Variants in GRIK2 observed in about 807,000 individuals in gnomAD.
The protein encoded by GRIK2 is glutamate ionotropic receptor kainate type subunit 2.
Under a neutral mutation model 100.3 loss-of-function variants are expected in GRIK2, and 32 were observed. The observed-to-expected ratio is 0.32, with a 90% confidence interval of 0.24 to 0.43. GRIK2 has a LOEUF of 0.43. Among genes scored for constraint, GRIK2 ranks in the 20% least tolerant of loss-of-function variants. The pLI, the probability that GRIK2 is intolerant of heterozygous loss-of-function variation, is 1.00. For synonymous variants in GRIK2, 417 were observed against 389.4 expected (o/e 1.07, Z -0.83); for missense variants, 843 against 1,114.9 (o/e 0.76, Z 3.47).
intron 2 of GRIK2, among the ~76,000 whole-genome samples, chr6:101,575,511 T>A (rs1777750529): frequency 6.6e-6 from 1 of 152,058 alleles, no homozygotes; most frequent in African/African-American, 2.4e-5. Flanking sequence ...TTAGTAAATA[T>A]AACTGTTTTG....
intron 2 of GRIK2, among the ~76,000 whole-genome samples, chr6:101,498,045 G>A (rs1244322644): frequency 8.5e-6 from 1 of 117,356 alleles, no homozygotes; most frequent in East Asian, 2.5e-4. Context: ...AGTCCCCAGA[G>A]TGTGATGTTC....
At chr6:101,519,437 C>A (rs1026951069) in intron 2 of GRIK2, among the ~76,000 whole-genome samples, 2 of 151,356 alleles carry the variant, frequency 1.3e-5, no homozygotes, top group Non-Finnish European at 1.5e-5. Flanking sequence ...GATATGAATA[C>A]TACTATTTTT....
chr6:101,969,661 C>G (rs1792915280), intron 14 of GRIK2, among the ~76,000 whole-genome samples: 1 of 151,994 alleles, frequency 6.6e-6, no homozygotes, highest in Non-Finnish European at 1.5e-5. Flanking sequence ...ATAGGATATA[C>G]TTTTAGTCTT....
At position 101,900,999 on chromosome 6, in the gene GRIK2, CTGT is replaced by C. The variant is rs1285391599; in HGVS notation, c.1748+11138_1748+11140del. ...TATCTGAGGACAGTCTGCCTGAAGT[CTGT>C]TAATTCTGGATTTACTGCTATTAAA... On this transcript the variant is annotated intron_variant, in intron 12 of 16. Coordinates refer to ENST00000369134, the MANE Select transcript of GRIK2 (RefSeq NM_021956.5). 1.1e-4 allele frequency among the ~76,000 whole-genome samples: 17 copies of C among 151,728 alleles called. No homozygotes were observed. The East Asian group carries it at 3.1e-3, about 28-fold the overall frequency.
At chr6:102,012,433 G>GA (rs545881761) in intron 14 of GRIK2, among the ~76,000 whole-genome samples, 1 of 151,884 alleles carries the variant, frequency 6.6e-6, no homozygotes, top group Non-Finnish European at 1.5e-5. Flanking sequence ...AGATAAAGTT[G>GA]AAAAAAACTG....
At chr6:101,924,996 C>T (rs1010083197) in intron 13 of GRIK2, among the ~76,000 whole-genome samples, 2 of 152,136 alleles carry the variant, frequency 1.3e-5, no homozygotes, top group African/African-American at 4.8e-5. Flanking sequence ...ACCAAGCTAA[C>T]CTGATCATTA....
At chr6:101,731,590 A>G (rs1775273301) in intron 7 of GRIK2, among the ~76,000 whole-genome samples, 1 of 151,980 alleles carries the variant, frequency 6.6e-6, no homozygotes, top group South Asian at 2.1e-4. Context: ...GTTTAAATAA[A>G]AAGCTATAAA....
intron 4 of GRIK2, among the ~76,000 whole-genome samples, chr6:101,645,938 G>A (rs1271282369): frequency 6.6e-6 from 1 of 151,818 alleles, no homozygotes; most frequent in East Asian, 1.9e-4. Flanking sequence ...ATGCATATAT[G>A]ATATTTATAC....
Position 101,928,398 on chromosome 6 carries a change from C to A in GRIK2, c.1868-17C>A, listed in dbSNP as rs564285314. Reference sequence around the variant, plus strand: ...AATTCTCTATATTCGTTTCACCTTTCCCCCACTCTCTGTTAGGTTCTGAGC... The same window carrying A: ...AATTCTCTATATTCGTTTCACCTTTACCCCACTCTCTGTTAGGTTCTGAGC... On this transcript the variant is annotated splice_polypyrimidine_tract_variant and intron_variant, in intron 13 of 16. Transcript: ENST00000369134. The A allele has an allele frequency of 3.1e-6, 4 of 1,295,186 alleles. No homozygotes were observed. The highest frequency in any genetic ancestry group is 1.7e-5 in the Admixed American group (1 of 59,622). The allele number at this position is 1,295,186 out of a possible 1,614,324, so 80.2% of individuals were successfully genotyped here. A position where few individuals can be genotyped will look rare whatever the true frequency, so the allele number is the denominator to read the frequency against.
chr6:101,853,119 C>A (rs116576085), intron 10 of GRIK2, among the ~76,000 whole-genome samples: 4 of 152,052 alleles, frequency 2.6e-5, no homozygotes, highest in Non-Finnish European at 4.4e-5. Context: ...TTCTCCCAGA[C>A]GATATTACGA....
intron 2 of GRIK2, among the ~76,000 whole-genome samples, chr6:101,590,673 C>G (rs570213027): frequency 6.6e-6 from 1 of 152,004 alleles, no homozygotes; most frequent in Non-Finnish European, 1.5e-5. Flanking sequence ...TCATACTCTT[C>G]CTAACGAGAT....
rs1351550808 is a variant in GRIK2 at position 102,055,356 on chromosome 6, A to G, written c.2338A>G (p.Ile780Val). Residue 780 changes from isoleucine to valine, a missense_variant, in exon 16 of 17, where the codon ATA (isoleucine) becomes GTA (valine). Ile to Val is a conservative substitution (Grantham distance 29). Coordinates refer to ENST00000369134, the MANE Select transcript of GRIK2 (RefSeq NM_021956.5). ...TTCTCCATATCGAGACAAAATTACC[A>G]TAGCAATTCTTCAGCTGCAAGAGGA... ...MGSPYRDKIT[I>V]AILQLQEEGK... 2 of 1,611,530 alleles carry G rather than the reference A, an allele frequency of 1.2e-6. No homozygotes were observed. Among genetic ancestry groups the G allele is most frequent in the Admixed American group, 1.7e-5 (1 of 59,974 alleles).
intron 7 of GRIK2, among the ~76,000 whole-genome samples, chr6:101,790,519 G>A (rs1226707135): frequency 1.4e-5 from 2 of 147,468 alleles, no homozygotes; most frequent in Non-Finnish European, 3.0e-5. Flanking sequence ...TTATTGATTT[G>A]CGTATATTGA....
At chr6:101,939,657 G>A (rs532386864) in intron 14 of GRIK2, among the ~76,000 whole-genome samples, 33 of 152,058 alleles carry the variant, frequency 2.2e-4, no homozygotes, top group African/African-American at 7.2e-4. Context: ...CTTTTAAAAC[G>A]GATTTTATTA....
chr6:101,697,243 T>C (rs1772553366), intron 7 of GRIK2, among the ~76,000 whole-genome samples: 1 of 152,026 alleles, frequency 6.6e-6, no homozygotes. Context: ...ACATAGAATT[T>C]GACAGAGTGC....
chr6:101,888,485 T>A (rs1409640539), intron 11 of GRIK2, among the ~76,000 whole-genome samples: 1 of 152,186 alleles, frequency 6.6e-6, no homozygotes, highest in African/African-American at 2.4e-5. Flanking sequence ...TGAAATGTGA[T>A]GATGCTCTCC....
At chr6:101,971,364 G>A (rs1363086650) in intron 14 of GRIK2, among the ~76,000 whole-genome samples, 10 of 151,698 alleles carry the variant, frequency 6.6e-5, no homozygotes, top group Admixed American at 2.0e-4. Context: ...TTGAAACACC[G>A]GTCTAACATC....
chr6:101,734,523 A>G (rs977280277), intron 7 of GRIK2, among the ~76,000 whole-genome samples: 1 of 152,176 alleles, frequency 6.6e-6, no homozygotes, highest in African/African-American at 2.4e-5. Context: ...TGTTAATCTC[A>G]TATAAAGACA....
intron 3 of GRIK2, among the ~76,000 whole-genome samples, chr6:101,625,029 C>T (rs946343227): frequency 3.9e-5 from 6 of 152,018 alleles, no homozygotes; most frequent in Non-Finnish European, 5.9e-5. Flanking sequence ...ATTGGCCTCC[C>T]GAAGTGCTGG....
Sources: allele counts gnomAD v4.1 joint callset (sites outside exome capture counted in the v4.1 genomes callset), GRCh38; gene constraint gnomAD v4.1.1; transcripts MANE v1.5; gene names NCBI Gene and HGNC (gene_info 2026-07-23, HGNC 2026-07-21).